Variants in CEP83 observed in about 807,000 individuals in gnomAD.
CEP83 encodes the protein centrosomal protein 83, also known as centrosomal protein of 83 kDa.
A neutral mutation model predicts 101.9 loss-of-function variants in CEP83; 70 were observed. The ratio of observed to expected loss-of-function variants is 0.69; its 90% CI spans 0.57 to 0.84. CEP83 has a LOEUF of 0.84. Ranked by LOEUF, CEP83 falls within the 40% of genes least tolerant of loss-of-function variation. The pLI, the probability that CEP83 is intolerant of heterozygous loss-of-function variation, is 0.00. For synonymous variants in CEP83, 264 were observed against 267.9 expected (o/e 0.99, Z 0.14); for missense variants, 715 against 787.2 (o/e 0.91, Z 1.10).
At chr12:94,449,916 T>G (rs1169368255) in intron 1 of CEP83, among the ~76,000 whole-genome samples, 1 of 148,494 alleles carries the variant, frequency 6.7e-6, no homozygotes, top group African/African-American at 2.5e-5. Context: ...CATATAACCA[T>G]ATCATCAGAT....
intron 6 of CEP83, among the ~76,000 whole-genome samples, chr12:94,396,280 CTTTTTT>C (rs776434390): frequency 2.2e-5 from 2 of 90,948 alleles, no homozygotes; most frequent in Non-Finnish European, 4.3e-5. Flanking sequence ...AAAAGCATGA[CTTTTTT>C]TTTTTTTTTT....
chr12:94,400,960 C>T lies in CEP83; in HGVS notation c.439G>A (p.Val147Ile), dbSNP rs1199577783. Residue 147 changes from valine to isoleucine, a missense_variant, in exon 6 of 17, where the codon GTA becomes ATA. Val to Ile is a conservative substitution (Grantham distance 29). Coordinates refer to ENST00000397809, the MANE Select transcript of CEP83 (RefSeq NM_016122.3). ...TGTTCATAGCGAAGCTTATTATATA[C>T]AGCTCTATACTTTTCTACCTCCTAA... is the stretch of plus-strand genomic sequence containing the variant. ...LDEEVEKYRA[V>I]YNKLRYEHTF... 20 of 1,428,734 alleles carry T rather than the reference C, an allele frequency of 1.4e-5. No individual in the cohort carries two copies. Among genetic ancestry groups the T allele is most frequent in the East Asian group, 2.6e-5 (1 of 38,040 alleles). The allele number at this position is 1,428,734 out of a possible 1,614,324, so 88.5% of individuals were successfully genotyped here.
chr12:94,400,232 G>A (rs970207508), intron 6 of CEP83, among the ~76,000 whole-genome samples: 3 of 151,808 alleles, frequency 2.0e-5, no homozygotes, highest in Admixed American at 6.6e-5. Flanking sequence ...AAAGCAACAC[G>A]ACCAATGAAA....
At chr12:94,368,392 A>C (rs923980675) in intron 9 of CEP83, 191 bp from the exon 10 acceptor site, 11 of 538,554 alleles carry the variant, frequency 2.0e-5, no homozygotes, top group African/African-American at 7.7e-5. Flanking sequence ...TAAAACTCAG[A>C]GCAAATTTTC....
intron 11 of CEP83, among the ~76,000 whole-genome samples, chr12:94,336,614 TA>T (rs2059458680): frequency 6.6e-6 from 1 of 152,182 alleles, no homozygotes; most frequent in African/African-American, 2.4e-5. Context: ...TAATATAACA[TA>T]AAAAACCTGA....
At chr12:94,397,089 T>C (rs996328698) in intron 6 of CEP83, among the ~76,000 whole-genome samples, 6 of 152,186 alleles carry the variant, frequency 3.9e-5, no homozygotes, top group African/African-American at 9.7e-5. Flanking sequence ...CATAATCAAT[T>C]GGGAAGTAAA....
At position 94,445,795 on chromosome 12, in the gene CEP83, AAATTGTCCCAGTAGG is replaced by A. The variant is rs1309568500; in HGVS notation, c.-154-10483_-154-10469del. 2.0e-5 allele frequency among the ~76,000 whole-genome samples: 3 copies of A among 152,312 alleles called. No homozygotes were observed. In the East Asian group the frequency reaches 5.8e-4, roughly 29 times the overall value. On this transcript the variant is annotated intron_variant, in intron 1 of 16. Transcript: ENST00000397809. ...GCACATTAGATTCACTGGGAGATTGAAATTGTCCCAGTAGGAATGAGTATGGGTGTGTATTTAAGT... is the reference window on the plus strand; with the variant it reads ...GCACATTAGATTCACTGGGAGATTGAAATGAGTATGGGTGTGTATTTAAGT...
chr12:94,436,371 G>GA (rs891024146), intron 1 of CEP83, among the ~76,000 whole-genome samples: 1 of 151,266 alleles, frequency 6.6e-6, no homozygotes, highest in Non-Finnish European at 1.5e-5. Flanking sequence ...AGTCTCCAGA[G>GA]AAATATACAT....
chr12:94,314,921 G>C (rs1970426350), intron 14 of CEP83, among the ~76,000 whole-genome samples: 1 of 152,086 alleles, frequency 6.6e-6, no homozygotes, highest in Non-Finnish European at 1.5e-5. Context: ...CTAAGCCATG[G>C]TTATGTATTG....
chr12:94,389,643 G>C (rs1019332636), intron 6 of CEP83, among the ~76,000 whole-genome samples: 1 of 152,188 alleles, frequency 6.6e-6, no homozygotes. Flanking sequence ...AGCCCACAGA[G>C]GGTGAGCTGA....
At chr12:94,271,502 AG>A in the CEP83 span, among the ~76,000 whole-genome samples, 1 of 152,216 alleles carries the variant, frequency 6.6e-6, no homozygotes, top group African/African-American at 2.4e-5. Context: ...AGGGGAATGC[AG>A]TTACATGTTC....
intron 1 of CEP83, among the ~76,000 whole-genome samples, 180 bp from the exon 2 acceptor site, chr12:94,435,507 G>A (rs1047239956): frequency 2.0e-5 from 3 of 152,130 alleles, no homozygotes; most frequent in African/African-American, 7.2e-5. Flanking sequence ...AATGCCACAA[G>A]ACAGCCAAAA....
the CEP83 span, among the ~76,000 whole-genome samples, chr12:94,297,692 ATTGTTATTTTTTAGG>A: frequency 6.6e-5 from 10 of 152,000 alleles, no homozygotes; most frequent in East Asian, 1.9e-4. Flanking sequence ...TTTCACTATT[ATTGTTATTTTTTAGG>A]TTGACAGCAT....
At chr12:94,297,534 C>G in the CEP83 span, 1 of 729,428 alleles carries the variant, frequency 1.4e-6, no homozygotes, top group Admixed American at 2.5e-5. Context: ...TGCCTTCTAG[C>G]AAAGCAAAAT....
the CEP83 span, among the ~76,000 whole-genome samples, chr12:94,274,195 A>C: frequency 6.8e-6 from 1 of 146,010 alleles, no homozygotes; most frequent in African/African-American, 2.6e-5. Flanking sequence ...AAATTTAGCC[A>C]AGCATGGCAG....
rs1305318871 is a variant in CEP83 at position 94,373,919 on chromosome 12, T to C, written c.933+1967A>G. ...GAAATATTATTTTAAAATCTACCCT[T>C]CCAATGGAATCTTTACATACAAGAC... On this transcript the variant is annotated intron_variant, in intron 8 of 16. Transcript: ENST00000397809. Among the ~76,000 whole-genome samples, 6 of 152,198 alleles carry C rather than the reference T, an allele frequency of 3.9e-5. No homozygotes were observed. In the East Asian group the frequency reaches 1.2e-3, roughly 29 times the overall value.
downstream of CEP83, chr12:94,303,993 T>C: frequency 6.2e-7 from 1 of 1,603,074 alleles, no homozygotes; most frequent in Non-Finnish European, 8.5e-7. Context: ...GAAAATGAAT[T>C]TAATGAAGAA....
chr12:94,268,588 C>CTTTTTTTTTTTTTTTTTTTTTTTT, the CEP83 span, among the ~76,000 whole-genome samples: 3 of 90,878 alleles, frequency 3.3e-5, no homozygotes, highest in Admixed American at 1.4e-4. Flanking sequence ...AGAATAAGAC[C>CTTTTTTTTTTTTTTTTTTTTTTTT]TTTTTTTTTT....
chr12:94,392,183 A>T (rs527346756), intron 6 of CEP83, among the ~76,000 whole-genome samples: 1 of 152,342 alleles, frequency 6.6e-6, no homozygotes, highest in Admixed American at 6.5e-5. Flanking sequence ...TCAACAGAAC[A>T]TACATTCTTC....
Sources: allele counts gnomAD v4.1 joint callset (sites outside exome capture counted in the v4.1 genomes callset), GRCh38; gene constraint gnomAD v4.1.1; transcripts MANE v1.5; gene names NCBI Gene and HGNC (gene_info 2026-07-23, HGNC 2026-07-21).